Variants in HPSE2 observed in about 807,000 individuals in gnomAD.
HPSE2 encodes the protein inactive heparanase-2.
Under a neutral mutation model 60.5 loss-of-function variants are expected in HPSE2, and 38 were observed. The observed-to-expected ratio is 0.63, with a 90% CI of 0.48 to 0.82. HPSE2 has a LOEUF of 0.82. HPSE2 is among the 40% of genes least tolerant of loss of function. The pLI, the probability that HPSE2 is intolerant of heterozygous loss-of-function variation, is 0.00. For synonymous variants in HPSE2, 295 were observed against 293.2 expected (o/e 1.01, Z -0.06); for missense variants, 713 against 740.4 (o/e 0.96, Z 0.43).
chr10:98,588,901 G>A (rs1262741491), intron 9 of HPSE2, among the ~76,000 whole-genome samples: 5 of 152,058 alleles, frequency 3.3e-5, no homozygotes, highest in South Asian at 2.1e-4. Flanking sequence ...TTCAAAACTC[G>A]ACAAAACATG....
chr10:99,176,107 C>T (rs1847516079), intron 2 of HPSE2, among the ~76,000 whole-genome samples: 1 of 152,086 alleles, frequency 6.6e-6, no homozygotes, highest in Non-Finnish European at 1.5e-5. Flanking sequence ...ACAAAAACCC[C>T]ATCAGAAGGT....
intron 3 of HPSE2, among the ~76,000 whole-genome samples, chr10:99,094,753 C>T (rs1843661937): frequency 6.6e-6 from 1 of 150,700 alleles, no homozygotes; most frequent in Non-Finnish European, 1.5e-5. Flanking sequence ...GGCAGGGTTT[C>T]ACCGTGTTGG....
At chr10:98,614,549 C>A (rs944232762) in intron 9 of HPSE2, among the ~76,000 whole-genome samples, 8 of 152,122 alleles carry the variant, frequency 5.3e-5, no homozygotes, top group South Asian at 2.1e-4. Context: ...GCCTTGGCCT[C>A]CCAAAGTGCT....
At chr10:98,721,636 A>G (rs1400429222) in intron 5 of HPSE2, 21 bp downstream of exon 5, 1 of 1,608,742 alleles carries the variant, frequency 6.2e-7, no homozygotes, top group East Asian at 2.2e-5. Flanking sequence ...GTCATAAGAA[A>G]AGCTAAATAA....
At chr10:98,877,847 T>C (rs1952918877) in intron 3 of HPSE2, among the ~76,000 whole-genome samples, 1 of 151,870 alleles carries the variant, frequency 6.6e-6, no homozygotes, top group Admixed American at 6.6e-5. Context: ...TTATTCAGTG[T>C]CTATTATGTT....
chr10:98,520,614 C>T (rs546802286), intron 9 of HPSE2, among the ~76,000 whole-genome samples: 169 of 152,326 alleles, frequency 1.1e-3, no homozygotes, highest in African/African-American at 3.9e-3. Flanking sequence ...TAAGAAGAAA[C>T]TGTATATCTA....
chr10:98,885,485 T>G (rs1953138602), intron 3 of HPSE2, among the ~76,000 whole-genome samples: 1 of 152,130 alleles, frequency 6.6e-6, no homozygotes, highest in African/African-American at 2.4e-5. Flanking sequence ...CAGAGAAAAC[T>G]TTCATGAAAA....
chr10:98,633,537 T>C (rs932547863), intron 7 of HPSE2, among the ~76,000 whole-genome samples: 20 of 152,218 alleles, frequency 1.3e-4, no homozygotes, highest in Admixed American at 1.3e-3. Flanking sequence ...TAACATTTTC[T>C]TTCTTCTAGC....
chr10:99,184,809 TATATATATATAGAGAGAG>T (rs1215742118), intron 2 of HPSE2, among the ~76,000 whole-genome samples: 4 of 38,040 alleles, frequency 1.1e-4, no homozygotes, highest in African/African-American at 2.3e-4. Context: ...TATATATATA[TATATATATATAGAGAGAG>T]AGAGAGAGAG....
At chr10:99,239,418 GTTTTTTTTTTTTT>G (rs760549054), upstream of HPSE2, among the ~76,000 whole-genome samples, 2 of 100,404 alleles carry the variant, frequency 2.0e-5, no homozygotes, top group Admixed American at 1.0e-4. Flanking sequence ...GTTTGTCAAG[GTTTTTTTTTTTTT>G]TTTTTTTTTT....
intron 9 of HPSE2, among the ~76,000 whole-genome samples, chr10:98,536,342 T>C (rs573216010): frequency 1.1e-4 from 16 of 152,346 alleles, no homozygotes; most frequent in African/African-American, 3.8e-4. Context: ...TATTGCTTTA[T>C]TTTAGGTTAG....
At chr10:98,760,780 A>G (rs1364749792) in intron 3 of HPSE2, among the ~76,000 whole-genome samples, 2 of 152,044 alleles carry the variant, frequency 1.3e-5, no homozygotes, top group Admixed American at 1.3e-4. Context: ...GACCTTGTCC[A>G]GCTTTGGTAT....
intron 3 of HPSE2, among the ~76,000 whole-genome samples, chr10:99,125,711 G>A (rs1471151867): frequency 6.6e-6 from 1 of 152,316 alleles, no homozygotes; most frequent in South Asian, 2.1e-4. Context: ...TGAAAATCCA[G>A]ATCACAGGAG....
At chr10:99,253,758 C>T in the HPSE2 span, among the ~76,000 whole-genome samples, 5 of 151,932 alleles carry the variant, frequency 3.3e-5, no homozygotes, top group Non-Finnish European at 5.9e-5. Context: ...AACAACTGAA[C>T]AAGCAAAAAC....
At position 99,174,885 on chromosome 10, in the gene HPSE2, G is replaced by A. The variant is rs111820913; in HGVS notation, c.449-30486C>T. Among the ~76,000 whole-genome samples, 307 of 152,340 alleles carry A rather than the reference G, an allele frequency of 2.0e-3. 1 individual carries two copies. The highest frequency in any genetic ancestry group is 7.1e-3 in the African/African-American group (296 of 41,580). On this transcript the variant is annotated intron_variant, in intron 2 of 11. Coordinates refer to ENST00000370552, the MANE Select transcript of HPSE2 (RefSeq NM_021828.5). The stretch of plus-strand genomic sequence containing the variant: ...CCAGTGACATCAACGCAGAAGGCAG[G>A]TGATTTCTGCATTTCCAACCGAGGT...
At chr10:98,460,758 C>T (rs1303857270) in intron 11 of HPSE2, among the ~76,000 whole-genome samples, 1 of 152,188 alleles carries the variant, frequency 6.6e-6, no homozygotes, top group Non-Finnish European at 1.5e-5. Context: ...CCACTTTCAC[C>T]CTGAGAAGGG....
rs187396018 is a variant in HPSE2, at chr10:98,889,480, T to C, written c.611-145424A>G. On this transcript the variant is annotated intron_variant, in intron 3 of 11. Coordinates refer to ENST00000370552, the MANE Select transcript of HPSE2 (RefSeq NM_021828.5). ...GCCTTGGCTTCCCAAAGTGCTGGGA[T>C]TACAGGCGTGAGCCACTGCACCCAG... is the stretch of plus-strand genomic sequence containing the variant. 8.5e-4 allele frequency among the ~76,000 whole-genome samples: 130 copies of C among 152,218 alleles called. 1 individual carries two copies. Among genetic ancestry groups the C allele is most frequent in the Middle Eastern group, 6.8e-3 (2 of 294 alleles).
intron 3 of HPSE2, among the ~76,000 whole-genome samples, chr10:98,972,654 G>A (rs2135272061): frequency 1.3e-5 from 2 of 152,156 alleles, no homozygotes; most frequent in South Asian, 2.1e-4. Context: ...TTATTTATAA[G>A]TTAATAAAAA....
chr10:98,573,196 G>T (rs1944548022), intron 9 of HPSE2, among the ~76,000 whole-genome samples: 1 of 152,166 alleles, frequency 6.6e-6, no homozygotes, highest in Non-Finnish European at 1.5e-5. Flanking sequence ...TTCAATAAAT[G>T]ACATTTAATA....
Sources: allele counts gnomAD v4.1 joint callset (sites outside exome capture counted in the v4.1 genomes callset), GRCh38; gene constraint gnomAD v4.1.1; transcripts MANE v1.5; gene names NCBI Gene and HGNC (gene_info 2026-07-23, HGNC 2026-07-21).